The following POLD1 variants were observed in gnomAD, a reference collection of about 807,000 sequenced individuals.
POLD1 encodes DNA polymerase delta catalytic subunit.
POLD1 carries 79 observed loss-of-function variants against 129.7 expected under a neutral mutation model. The observed-to-expected ratio is 0.61, with a 90% CI of 0.51 to 0.73. The LOEUF is 0.73. Among genes scored for constraint, POLD1 ranks in the 30% least tolerant of loss-of-function variants. POLD1 has a pLI of 0.00. For synonymous variants in POLD1, 714 were observed against 683.3 expected (o/e 1.04, Z -0.70); for missense variants, 1,338 against 1,595.8 (o/e 0.84, Z 2.75).
intron 1 of POLD1, chr19:50,387,814 A>G (rs2038022660): frequency 6.6e-6 from 1 of 152,414 alleles, no homozygotes; most frequent in Admixed American, 6.6e-5. Flanking sequence ...TGTAAGTCAC[A>G]CATGTACGCG....
intron 26 of POLD1, among the ~76,000 whole-genome samples, chr19:50,417,519 C>T (rs968576363): frequency 5.9e-5 from 9 of 152,178 alleles, no homozygotes; most frequent in African/African-American, 2.2e-4. Flanking sequence ...CGGCTGTCCT[C>T]CCGACACACC....
intron 3 of POLD1, among the ~76,000 whole-genome samples, chr19:50,400,567 CTG>C (rs1319662584): frequency 7.9e-6 from 1 of 126,258 alleles, no homozygotes; most frequent in Non-Finnish European, 1.6e-5. Flanking sequence ...GAGTCTCCCT[CTG>C]TCACCCAGGC....
In POLD1 at chr19:50,406,244, A is replaced by C. The variant is rs2122318403; in HGVS notation, c.1305A>C (p.Ser435=). 1 of 1,613,762 alleles carries C rather than the reference A, an allele frequency of 6.2e-7. No homozygotes were observed. Among genetic ancestry groups the C allele is most frequent in the Non-Finnish European group, 8.5e-7 (1 of 1,179,940 alleles). The part of the protein sequence containing the change: ...AGLCSNIRDS[S]FQSKQTGRRD... Reference sequence around the variant, plus strand: ...TTTGCTCCAACATCCGGGACTCTTCATTCCAGTCCAAGCAGACGGGCCGGC... The same window carrying C: ...TTTGCTCCAACATCCGGGACTCTTCCTTCCAGTCCAAGCAGACGGGCCGGC... The change falls in exon 11 of 27, where the codon TCA becomes TCC. Residue 435 remains serine, a synonymous_variant. Coordinates refer to ENST00000440232, the MANE Select transcript of POLD1 (RefSeq NM_002691.4). This position sits in a 1 kb window ranked among gnomAD's most constrained non-coding sequence, Gnocchi z 5.5.
rs1173103641 is a variant in POLD1 at position 50,401,474 on chromosome 19, C to T, written c.317-304C>T. On this transcript the variant is annotated intron_variant, in intron 3 of 26. Transcript: ENST00000440232. ...CAGGCTGGTCTCAAAGTCCTGGGCT[C>T]TAGCGATCCTCCCGCCTTGGCCTCA... is the stretch of plus-strand genomic sequence containing the variant. 4.2e-5 allele frequency among the ~76,000 whole-genome samples: 6 copies of T among 141,684 alleles called. No individual in the cohort carries two copies. The Admixed American group carries it at 4.6e-4, about 11-fold the overall frequency. The allele number at this position is 141,684 out of a possible 152,430, so 93.0% of individuals were successfully genotyped here. A position where few individuals can be genotyped will look rare whatever the true frequency, so the allele number is the denominator to read the frequency against.
chr19:50,405,892 T>C (rs1601213920), intron 10 of POLD1, among the ~76,000 whole-genome samples: 1 of 152,106 alleles, frequency 6.6e-6, no homozygotes, highest in East Asian at 1.9e-4. Context: ...CTCTTCCTGT[T>C]TCCTGCCTAG....
At chr19:50,401,639 G>A (rs989555515) in intron 3 of POLD1, 139 bp from the exon 4 acceptor site, 12 of 876,020 alleles carry the variant, frequency 1.4e-5, no homozygotes, top group Non-Finnish European at 2.2e-5. Context: ...AACCAGGGGG[G>A]AGGCTGAAAT....
chr19:50,399,152 C>G (rs1461122586), intron 2 of POLD1, 99 bp downstream of exon 2: 5 of 1,528,074 alleles, frequency 3.3e-6, no homozygotes, highest in African/African-American at 2.8e-5. Context: ...TGACCCCACT[C>G]TGGCCAATTT....
rs754913337 is a variant in POLD1, at chr19:50,409,560, G to T, written c.2048G>T (p.Arg683Leu). The T allele has an allele frequency of 1.2e-6, 2 of 1,613,508 alleles. No homozygotes were observed. Among genetic ancestry groups the T allele is most frequent in the Non-Finnish European group, 8.5e-7 (1 of 1,180,028 alleles). Residue 683 changes from arginine (R) to leucine (L), a missense_variant, in exon 17 of 27, where the codon CGC becomes CTC. By Grantham distance (102) the Arg-to-Leu change is moderately radical. Coordinates refer to ENST00000440232, the MANE Select transcript of POLD1 (RefSeq NM_002691.4). The surrounding 1 kb of genome is among the most constrained non-coding windows in gnomAD (Gnocchi z 5.8). ...ELAKETDPLRRQVLDGRQLAL... is the reference protein window; with the variant it reads ...ELAKETDPLRLQVLDGRQLAL... ...GCCAAGGAGACAGACCCCCTCCGGC[G>T]CCAGGTCCTGGATGGACGGCAGCTG...
Position 50,409,745 on chromosome 19 carries a change from C to G in POLD1, c.2154+79C>G, listed in dbSNP as rs1304877834. Reference sequence around the variant, plus strand: ...GGAGACCAGGGCTCCATGTGGGGGACCTGTATCCAGAGGACTGGGCACCCC... The same window carrying G: ...GGAGACCAGGGCTCCATGTGGGGGAGCTGTATCCAGAGGACTGGGCACCCC... On this transcript the variant is annotated intron_variant, in intron 17 of 26. Transcript: ENST00000440232. The surrounding 1 kb of genome is among the most constrained non-coding windows in gnomAD (Gnocchi z 5.8). 3.4e-6 allele frequency: 5 copies of G among 1,466,600 alleles called. No individual in the cohort carries two copies. In the African/African-American group the frequency reaches 7.1e-5, roughly 21 times the overall value. The allele number at this position is 1,466,600 out of a possible 1,614,324, so 90.8% of individuals were successfully genotyped here.
rs1246884235 is a variant in POLD1 at position 50,406,569 on chromosome 19, C to T, written c.1494+52C>T. Reference sequence around the variant, plus strand: ...CCCCAACCTCTGACCTCCACCTCACCCTTCCCCGGCCTCTGACCTCAACTT... The same window carrying T: ...CCCCAACCTCTGACCTCCACCTCACTCTTCCCCGGCCTCTGACCTCAACTT... On this transcript the variant is annotated intron_variant, in intron 12 of 26. Coordinates refer to ENST00000440232, the MANE Select transcript of POLD1 (RefSeq NM_002691.4). The surrounding 1 kb of genome is among the most constrained non-coding windows in gnomAD (Gnocchi z 5.5). 7.5e-7 allele frequency: 1 copy of T among 1,328,020 alleles called. No homozygotes were observed. Among genetic ancestry groups the T allele is most frequent in the Non-Finnish European group, 1.1e-6 (1 of 945,644 alleles). 82.3% of individuals were successfully genotyped at this position (1,328,020 alleles called of 1,614,324 possible).
In POLD1 at chr19:50,406,567, AC is replaced by A. The variant is rs1314959628; in HGVS notation, c.1494+53del. 2.9e-6 allele frequency: 4 copies of A among 1,362,236 alleles called. No homozygotes were observed. In the Admixed American group the frequency reaches 5.9e-5, roughly 20 times the overall value. 84.4% of individuals were successfully genotyped at this position (1,362,236 alleles called of 1,614,324 possible). On this transcript the variant is annotated intron_variant, in intron 12 of 26. Coordinates refer to ENST00000440232, the MANE Select transcript of POLD1 (RefSeq NM_002691.4). This position sits in a 1 kb window ranked among gnomAD's most constrained non-coding sequence, Gnocchi z 5.5. ...CACCCCAACCTCTGACCTCCACCTC[AC>A]CCTTCCCCGGCCTCTGACCTCAACT...
rs1163014236 is a variant in POLD1, at chr19:50,417,213, CTG to C, written c.3163_3164del (p.Trp1055AspfsTer50). ...CCCTGGAGGAGCGCTTCTCGCGCCT[CTG>C]GACGCAGTGCCAGCGCTGCCAGGGC... ...NALEERFSRLWTQCQRCQGSL... is the reference protein window; with the variant it reads ...NALEERFSRLXTQCQRCQGSL... On this transcript the variant is annotated frameshift_variant, in exon 26 of 27. Transcript: ENST00000440232. LOFTEE classifies it high-confidence loss of function. 6.2e-7 allele frequency: 1 copy of C among 1,606,880 alleles called. No individual in the cohort carries two copies. Among genetic ancestry groups the C allele is most frequent in the Non-Finnish European group, 8.5e-7 (1 of 1,178,400 alleles).
intron 1 of POLD1, among the ~76,000 whole-genome samples, chr19:50,388,825 CTTTTTT>C (rs34487979): frequency 2.3e-5 from 2 of 88,856 alleles, no homozygotes; most frequent in African/African-American, 9.6e-5. Context: ...GCAGTTAACT[CTTTTTT>C]TTTTTTTTTT....
At chr19:50,397,995 G>C in intron 1 of POLD1, among the ~76,000 whole-genome samples, 1 of 152,188 alleles carries the variant, frequency 6.6e-6, no homozygotes, top group East Asian at 1.9e-4. Context: ...TATGGGATCT[G>C]CAAGGAACTC....
intron 1 of POLD1, chr19:50,387,911 G>GGTTTCCACCTTTT (rs2038026000): frequency 6.6e-6 from 1 of 152,392 alleles, no homozygotes; most frequent in Non-Finnish European, 1.5e-5. Flanking sequence ...ACTCACAAAA[G>GGTTTCCACCTTTT]GTGGAAGCAA....
At chr19:50,386,747 GC>G (rs1935531151) in intron 1 of POLD1, among the ~76,000 whole-genome samples, 1 of 152,200 alleles carries the variant, frequency 6.6e-6, no homozygotes, top group Non-Finnish European at 1.5e-5. Context: ...GTCAGTCCTT[GC>G]TCTGCCATCC....
At position 50,407,063 on chromosome 19, in the gene POLD1, G is replaced by C. The variant is rs984632459; in HGVS notation, c.1575G>C (p.Arg525=). 1.9e-6 allele frequency: 3 copies of C among 1,613,790 alleles called. No homozygotes were observed. Among genetic ancestry groups the C allele is most frequent in the Middle Eastern group, 1.7e-4 (1 of 6,052 alleles). ...DAYLPLRLLE[R]LMVLVNAVEM... ...ACCTGCCACTGCGGCTGCTGGAGCG[G>C]CTCATGGTGCTGGTGAACGCCGTGG... The change falls in exon 13 of 27, where the codon CGG becomes CGC. Residue 525 remains arginine, a synonymous_variant. Transcript: ENST00000440232.
intron 1 of POLD1, among the ~76,000 whole-genome samples, chr19:50,393,140 T>C (rs1201151332): frequency 6.6e-6 from 1 of 151,680 alleles, no homozygotes; most frequent in African/African-American, 2.4e-5. Flanking sequence ...CTCCAAACTT[T>C]TATGTTTATA....
chr19:50,400,587 C>T (rs1390766577), intron 3 of POLD1, among the ~76,000 whole-genome samples: 3 of 134,092 alleles, frequency 2.2e-5, no homozygotes, highest in African/African-American at 3.0e-5. Flanking sequence ...GGCTGGAGAG[C>T]AGTGGCACAA....
Sources: gnomAD v4.1 joint callset for allele counts (sites outside exome capture counted in the v4.1 genomes callset) on GRCh38, gnomAD v4.1.1 for gene constraint, Gnocchi (gnomAD v3.1) non-coding constraint, MANE v1.5 for transcripts, NCBI Gene and HGNC (gene_info 2026-07-23, HGNC 2026-07-21) for gene names.